Variants in PTPRD observed in about 807,000 individuals in gnomAD.
The protein encoded by PTPRD is protein tyrosine phosphatase receptor type D, also known as receptor-type tyrosine-protein phosphatase delta.
In PTPRD, 34 loss-of-function variants were observed where a neutral mutation model predicts 214.5. That is an observed-to-expected ratio of 0.16 (90% CI 0.12 to 0.21). The LOEUF (loss-of-function observed/expected upper bound fraction) is 0.21. Among genes scored for constraint, PTPRD ranks in the 10% least tolerant of loss-of-function variants. The pLI is 1.00. For synonymous variants in PTPRD, 1,128 were observed against 845.7 expected (o/e 1.33, Z -5.79); for missense variants, 2,545 against 2,398.7 (o/e 1.06, Z -1.27).
intron 31 of PTPRD, among the ~76,000 whole-genome samples, chr9:8,470,054 C>T (rs916575084): frequency 1.3e-5 from 2 of 152,124 alleles, no homozygotes; most frequent in Non-Finnish European, 2.9e-5. Context: ...GATTGTACTA[C>T]AAGATGTGGC....
At chr9:9,015,385 C>T (rs4742558) in intron 11 of PTPRD, among the ~76,000 whole-genome samples, 42,916 of 152,034 alleles carry the variant, frequency 0.28, 6,491 homozygotes, top group Non-Finnish European at 0.34. Flanking sequence ...CTCTGGTCGT[C>T]CTCACTGCTA....
intron 7 of PTPRD, among the ~76,000 whole-genome samples, chr9:9,655,927 G>C (rs950534286): frequency 1.3e-5 from 2 of 152,068 alleles, no homozygotes; most frequent in African/African-American, 2.4e-5. Flanking sequence ...GCAGTGAACC[G>C]AGATTGCACC....
intron 5 of PTPRD, among the ~76,000 whole-genome samples, chr9:9,889,104 C>T (rs2072184741): frequency 6.6e-6 from 1 of 151,876 alleles, no homozygotes; most frequent in Non-Finnish European, 1.5e-5. Context: ...TGATGGTTGC[C>T]AGGTGCTGGG....
intron 3 of PTPRD, among the ~76,000 whole-genome samples, chr9:10,187,364 T>C (rs1325080587): frequency 6.6e-6 from 1 of 152,152 alleles, no homozygotes; most frequent in Non-Finnish European, 1.5e-5. Context: ...CCTAGATATA[T>C]TTAGGATCCT....
At chr9:9,334,244 G>C (rs1401744632) in intron 9 of PTPRD, among the ~76,000 whole-genome samples, 1 of 151,860 alleles carries the variant, frequency 6.6e-6, no homozygotes, top group South Asian at 2.1e-4. Flanking sequence ...CTGTACTTCA[G>C]GAACCTACAA....
At chr9:8,914,405 A>C (rs2098770301) in intron 11 of PTPRD, among the ~76,000 whole-genome samples, 1 of 152,150 alleles carries the variant, frequency 6.6e-6, no homozygotes, top group Admixed American at 6.5e-5. Flanking sequence ...TAAAAACTCC[A>C]GGTGGTCATA....
chr9:8,850,704 T>A (rs763071095), intron 11 of PTPRD, among the ~76,000 whole-genome samples: 3 of 152,190 alleles, frequency 2.0e-5, no homozygotes, highest in Admixed American at 6.5e-5. Context: ...TACAAAATCA[T>A]AATGAGCTAT....
At chr9:9,657,200 T>A (rs1004065214) in intron 7 of PTPRD, among the ~76,000 whole-genome samples, 1 of 152,010 alleles carries the variant, frequency 6.6e-6, no homozygotes, top group South Asian at 2.1e-4. Flanking sequence ...TGAAATAAAG[T>A]TTATAAATTT....
chr9:10,344,326 A>C (rs1411891182), intron 2 of PTPRD, among the ~76,000 whole-genome samples: 6 of 152,080 alleles, frequency 3.9e-5, no homozygotes, highest in Non-Finnish European at 7.4e-5. Flanking sequence ...TTTGTCATAC[A>C]TCAGATGGTT....
chr9:10,022,633 G>A (rs1489808275), intron 4 of PTPRD, among the ~76,000 whole-genome samples: 1 of 152,136 alleles, frequency 6.6e-6, no homozygotes, highest in Non-Finnish European at 1.5e-5. Context: ...TTTTTACACA[G>A]TGAGTATTTC....
At chr9:9,905,238 T>C (rs2077274234) in intron 5 of PTPRD, among the ~76,000 whole-genome samples, 1 of 152,034 alleles carries the variant, frequency 6.6e-6, no homozygotes, top group African/African-American at 2.4e-5. Flanking sequence ...CCTCATTTAC[T>C]TTGCAAACAT....
intron 39 of PTPRD, among the ~76,000 whole-genome samples, chr9:8,374,173 G>T (rs1171849718): frequency 6.7e-6 from 1 of 149,796 alleles, no homozygotes; most frequent in African/African-American, 2.5e-5. Context: ...TTGCCATTAG[G>T]CATATAAGGG....
intron 3 of PTPRD, among the ~76,000 whole-genome samples, chr9:10,077,937 A>G (rs1243480873): frequency 6.6e-6 from 1 of 151,664 alleles, no homozygotes; most frequent in East Asian, 2.0e-4. Context: ...GTATTACTAT[A>G]CTCTAAGTAA....
At chr9:8,722,320 A>T (rs1210911284) in intron 12 of PTPRD, among the ~76,000 whole-genome samples, 2 of 152,150 alleles carry the variant, frequency 1.3e-5, no homozygotes, top group Non-Finnish European at 2.9e-5. Context: ...GAGAATTGAG[A>T]AAATTGCTCC....
At chr9:10,128,143 C>G (rs2098833351) in intron 3 of PTPRD, among the ~76,000 whole-genome samples, 1 of 152,060 alleles carries the variant, frequency 6.6e-6, no homozygotes. Context: ...GTATCACTTC[C>G]CTTCCACATG....
intron 12 of PTPRD, among the ~76,000 whole-genome samples, chr9:8,656,139 C>A (rs548506304): frequency 1.3e-5 from 2 of 152,234 alleles, no homozygotes; most frequent in African/African-American, 4.8e-5. Flanking sequence ...ACAACTGAAT[C>A]ACCTGTTGTT....
intron 8 of PTPRD, among the ~76,000 whole-genome samples, chr9:9,423,155 T>C (rs1203082058): frequency 6.6e-6 from 1 of 152,178 alleles, no homozygotes; most frequent in Non-Finnish European, 1.5e-5. Flanking sequence ...CTGTAGCTTC[T>C]ACAGTTTTTC....
intron 10 of PTPRD, among the ~76,000 whole-genome samples, chr9:9,056,567 T>G (rs1011240533): frequency 3.9e-5 from 6 of 152,222 alleles, no homozygotes; most frequent in Non-Finnish European, 8.8e-5. Flanking sequence ...GATGGTAAAT[T>G]TGTGCCAATG....
intron 11 of PTPRD, among the ~76,000 whole-genome samples, chr9:8,929,795 G>GTATATATATGTGTATATA (rs1567062103): frequency 5.3e-5 from 6 of 112,672 alleles, no homozygotes; most frequent in African/African-American, 2.2e-4. Flanking sequence ...GTATATATGT[G>GTATATATATGTGTATATA]TGTGTATATA....
Sources: gnomAD v4.1 joint callset for allele counts (sites outside exome capture counted in the v4.1 genomes callset) on GRCh38, gnomAD v4.1.1 for gene constraint, MANE v1.5 for transcripts, NCBI Gene and HGNC (gene_info 2026-07-23, HGNC 2026-07-21) for gene names.